The following PTPN21 variants were observed in gnomAD, a reference collection of about 807,000 sequenced individuals.
PTPN21 encodes tyrosine-protein phosphatase non-receptor type 21.
A neutral mutation model predicts 131.8 loss-of-function variants in PTPN21; 77 were observed. That is an observed-to-expected ratio of 0.58 (90% confidence interval 0.49 to 0.71). The LOEUF (loss-of-function observed/expected upper bound fraction) is 0.71, where lower values mean the gene tolerates loss of function less well. PTPN21 is among the 30% of genes least tolerant of loss of function. The pLI, the probability that PTPN21 is intolerant of heterozygous loss-of-function variation, is 0.00. For missense variants in PTPN21, 1,552 were observed against 1,527.1 expected, an observed-to-expected ratio of 1.02 and a Z score of -0.27; for synonymous variants, 715 against 621.3, an observed-to-expected ratio of 1.15 and a Z score of -2.24.
chr14:88,486,791 C>T (rs553553846), intron 10 of PTPN21, among the ~76,000 whole-genome samples: 24 of 152,148 alleles, frequency 1.6e-4, no homozygotes, highest in South Asian at 6.2e-4. Context: ...ACCTGGCCAA[C>T]ATGGTGAAAC....
At chr14:88,499,500 A>C (rs1333939983) in intron 8 of PTPN21, 3 of 152,226 alleles carry the variant, frequency 2.0e-5, no homozygotes, top group Non-Finnish European at 4.4e-5. Context: ...CCCACGCATA[A>C]AGTGGAGGAT....
Position 88,519,547 on chromosome 14 carries a change from C to T in PTPN21, c.181-2286G>A, listed in dbSNP as rs1338513799. On this transcript the variant is annotated intron_variant, in intron 2 of 18. Transcript: ENST00000556564. ...AGAAATAATAGAACATTTCTTTGACCTGCAATCCTCATTCAAGTAAAAAAT... is the reference window on the plus strand; with the variant it reads ...AGAAATAATAGAACATTTCTTTGACTTGCAATCCTCATTCAAGTAAAAAAT... Among the ~76,000 whole-genome samples, 2 of 152,182 alleles carry T rather than the reference C, an allele frequency of 1.3e-5. 1 individual carries two copies. The highest frequency in any genetic ancestry group is 3.9e-4 in the East Asian group (2 of 5,180).
intron 7 of PTPN21, 175 bp from the exon 8 acceptor site, chr14:88,501,046 T>A: frequency 1.6e-6 from 1 of 636,736 alleles, no homozygotes; most frequent in Non-Finnish European, 2.8e-6. Flanking sequence ...GTATAAAAAT[T>A]GAAAAAGTTT....
At chr14:88,546,326 G>A (rs537241272) in intron 2 of PTPN21, among the ~76,000 whole-genome samples, 8 of 151,694 alleles carry the variant, frequency 5.3e-5, no homozygotes, top group Non-Finnish European at 1.2e-4. Flanking sequence ...GGGAGGCCAA[G>A]GTGGACAGAT....
intron 10 of PTPN21, among the ~76,000 whole-genome samples, chr14:88,489,875 G>A (rs942989390): frequency 6.6e-5 from 10 of 151,932 alleles, no homozygotes; most frequent in South Asian, 4.1e-4. Flanking sequence ...ACCAAACCCC[G>A]CCTTAGGTGT....
At chr14:88,482,496 T>C (rs1199411828) in intron 12 of PTPN21, among the ~76,000 whole-genome samples, 1 of 152,030 alleles carries the variant, frequency 6.6e-6, no homozygotes, top group Non-Finnish European at 1.5e-5. Flanking sequence ...TGGTGGCGCA[T>C]GCCTGTAATC....
At chr14:88,481,301 C>T (rs1342996997) in intron 12 of PTPN21, among the ~76,000 whole-genome samples, 1 of 152,192 alleles carries the variant, frequency 6.6e-6, no homozygotes, top group Non-Finnish European at 1.5e-5. Flanking sequence ...GGAAATAGCA[C>T]TCAAATCTCC....
chr14:88,505,744 C>G (rs2078077804), intron 4 of PTPN21, among the ~76,000 whole-genome samples: 1 of 152,116 alleles, frequency 6.6e-6, no homozygotes, highest in African/African-American at 2.4e-5. Context: ...GGGGAATAGA[C>G]TTAGACCACT....
At chr14:88,476,489 CAAAT>C (rs1303824190) in intron 13 of PTPN21, among the ~76,000 whole-genome samples, 3 of 152,216 alleles carry the variant, frequency 2.0e-5, no homozygotes, top group Non-Finnish European at 2.9e-5. Flanking sequence ...AGTGTCAAAA[CAAAT>C]AAAAGCAAAT....
At chr14:88,520,566 T>C (rs2078373431) in intron 2 of PTPN21, among the ~76,000 whole-genome samples, 1 of 152,242 alleles carries the variant, frequency 6.6e-6, no homozygotes, top group African/African-American at 2.4e-5. Context: ...AAGCATAGAA[T>C]ATGTATCATA....
rs114130040 is a variant in PTPN21, at chr14:88,548,042, T to C, written c.180+2196A>G. ...TTCCTTTCACATTTCCTCTCTGTTA[T>C]AGCCCCACCATCTACTGAAAACCTG... On this transcript the variant is annotated intron_variant, in intron 2 of 18. Transcript: ENST00000556564. Among the ~76,000 whole-genome samples the C allele has an allele frequency of 4.5e-3, 692 of 152,284 alleles. 6 individuals are homozygous for C. Among genetic ancestry groups the C allele is most frequent in the African/African-American group, 0.015 (637 of 41,552 alleles).
At chr14:88,549,996 G>T (rs2078838392) in intron 2 of PTPN21, among the ~76,000 whole-genome samples, 1 of 152,116 alleles carries the variant, frequency 6.6e-6, no homozygotes, top group Admixed American at 6.5e-5. Context: ...ATATTGGCCA[G>T]GCTGGTCTCG....
In PTPN21 at chr14:88,473,661, A is replaced by G. The variant is rs765548773; in HGVS notation, c.2649+4T>C. The G allele has an allele frequency of 2.5e-6, 4 of 1,612,342 alleles. No individual in the cohort carries two copies. In the East Asian group the frequency reaches 6.7e-5, roughly 27 times the overall value. ...GCACAAAGCCCTGTGTGTCCCATACATACCCTTTCATCATTCGTTGCTCTG... is the reference window on the plus strand; with the variant it reads ...GCACAAAGCCCTGTGTGTCCCATACGTACCCTTTCATCATTCGTTGCTCTG... On this transcript the variant is annotated splice_donor_region_variant and intron_variant, in intron 14 of 18. Coordinates refer to ENST00000556564, the MANE Select transcript of PTPN21 (RefSeq NM_007039.4).
rs10146109 is a variant in PTPN21 at position 88,491,395 on chromosome 14, T to G, written c.932+5018A>C. 7.5e-3 allele frequency among the ~76,000 whole-genome samples: 1,143 copies of G among 152,280 alleles called. 14 individuals are homozygous for G. Among genetic ancestry groups the G allele is most frequent in the African/African-American group, 0.026 (1,090 of 41,546 alleles). On this transcript the variant is annotated intron_variant, in intron 10 of 18. Coordinates refer to ENST00000556564, the MANE Select transcript of PTPN21 (RefSeq NM_007039.4). ...TTCTGTGCAAGTCGAGTCTATCTCC[T>G]GGGCCACCAGTCACCCCAGCCCAAA...
chr14:88,479,141 C>A lies in PTPN21; in HGVS notation c.2290G>T (p.Val764Phe). The A allele has an allele frequency of 1.3e-6, 2 of 1,553,830 alleles. No homozygotes were observed. The stretch of plus-strand genomic sequence containing the variant: ...ATCATCCTCTTCTCCGCGTCTGGGA[C>A]GTGGGCCTTGGGCTCCAGGATGTGC... ...PLHILEPKAHVPDAEKRMMDS... is the reference protein window; with the variant it reads ...PLHILEPKAHFPDAEKRMMDS... Residue 764 changes from valine to phenylalanine, a missense_variant, in exon 13 of 19, where the codon GTC becomes TTC. By Grantham distance (50) the Val-to-Phe change is conservative. Transcript: ENST00000556564.
intron 12 of PTPN21, among the ~76,000 whole-genome samples, chr14:88,484,159 T>C (rs1042102782): frequency 6.6e-6 from 1 of 150,638 alleles, no homozygotes; most frequent in Non-Finnish European, 1.5e-5. Context: ...GCAATCCTCC[T>C]ACCTCAGCCT....
chr14:88,473,784 C>A lies in PTPN21; in HGVS notation c.2530G>T (p.Val844Leu), dbSNP rs1469427642. 1 of 1,607,520 alleles carries A rather than the reference C, an allele frequency of 6.2e-7. No homozygotes were observed. The highest frequency in any genetic ancestry group is 2.2e-5 in the East Asian group (1 of 44,748). ...PPLGGMKKTR[V>L]DAKKIGPLKL... ...AGAGGACCAATTTTTTTTGCATCTA[C>A]TCGAGTCTTTTTCATTCCCTGTAAA... The change falls in exon 14 of 19, where the codon GTA (valine) becomes TTA (leucine). Residue 844 changes from valine to leucine, a missense_variant. By Grantham distance (32) the Val-to-Leu change is conservative (BLOSUM62 1). This residue lies in a region of PTPN21 where 1,016 missense variants were observed against 883.5 expected (regional missense o/e 1.15). Transcript: ENST00000556564.
intron 2 of PTPN21, among the ~76,000 whole-genome samples, chr14:88,532,421 T>G (rs2078567786): frequency 6.6e-6 from 1 of 152,208 alleles, no homozygotes; most frequent in Non-Finnish European, 1.5e-5. Context: ...CATTACAATT[T>G]CTATTTTCTA....
At chr14:88,518,255 A>AAAAT (rs1566839513) in intron 2 of PTPN21, among the ~76,000 whole-genome samples, 1 of 18,664 alleles carries the variant, frequency 5.4e-5, no homozygotes, top group Non-Finnish European at 9.1e-5. Flanking sequence ...AAAAAAAAAA[A>AAAAT]ATATATATAT....
Sources: allele counts gnomAD v4.1 joint callset (sites outside exome capture counted in the v4.1 genomes callset), GRCh38; gene constraint gnomAD v4.1.1; regional missense constraint gnomAD v4.1.1; transcripts MANE v1.5; gene names NCBI Gene and HGNC (gene_info 2026-07-23, HGNC 2026-07-21).